The following ADPRHL1 variants were observed in gnomAD, a reference collection of about 807,000 sequenced individuals.
ADPRHL1 encodes the protein inactive ADP-ribosyltransferase ARH2.
A neutral mutation model predicts 44.1 loss-of-function variants in ADPRHL1; 43 were observed. That is an observed-to-expected ratio of 0.98 (90% confidence interval 0.76 to 1.26). The LOEUF is 1.26. Ranked by LOEUF, ADPRHL1 falls within the 50% of genes most tolerant of loss-of-function variation. The pLI is 0.00. For synonymous variants in ADPRHL1, 878 were observed against 1,017.4 expected (o/e 0.86, Z 2.61); for missense variants, 2,022 against 2,496.9 (o/e 0.81, Z 4.05).
intron 7 of ADPRHL1, among the ~76,000 whole-genome samples, chr13:113,412,208 T>C (rs1800465382): frequency 1.3e-5 from 2 of 152,258 alleles, no homozygotes; most frequent in African/African-American, 2.4e-5. Flanking sequence ...GACGGAGTCT[T>C]GCTCTGTCGC....
chr13:113,452,156 C>CG (rs1273496712), intron 1 of ADPRHL1, among the ~76,000 whole-genome samples: 6 of 152,144 alleles, frequency 3.9e-5, no homozygotes, highest in Admixed American at 1.3e-4. Flanking sequence ...TTCTGGGCTG[C>CG]GGGGCACAAG....
chr13:113,429,664 C>T (rs976936893), intron 3 of ADPRHL1, among the ~76,000 whole-genome samples: 5 of 152,364 alleles, frequency 3.3e-5, no homozygotes, highest in African/African-American at 1.2e-4. Flanking sequence ...CGAGCCTGTG[C>T]AGGAAGAAGG....
intron 2 of ADPRHL1, among the ~76,000 whole-genome samples, chr13:113,437,006 T>C (rs7329758): frequency 0.27 from 27,482 of 103,236 alleles, 6,036 homozygotes; most frequent in Middle Eastern, 0.39. Context: ...AGGTGTAGAG[T>C]GAGCATAGGT....
At chr13:113,444,392 G>A (rs1052814854) in intron 2 of ADPRHL1, 33 bp downstream of exon 2, 1 of 1,606,520 alleles carries the variant, frequency 6.2e-7, no homozygotes, top group African/African-American at 1.3e-5. Flanking sequence ...CCAGCAGGGT[G>A]GCTTTAGGGG....
intron 2 of ADPRHL1, among the ~76,000 whole-genome samples, chr13:113,434,242 G>C (rs768432635): frequency 8.5e-5 from 13 of 152,050 alleles, no homozygotes; most frequent in Non-Finnish European, 1.8e-4. Context: ...TTTTTATACT[G>C]GTGTACCGCG....
rs369935996 is a variant in ADPRHL1 at position 113,405,782 on chromosome 13, C to T, written c.3500G>A (p.Arg1167Gln). ...ESHPRGEALP[R>Q]DPHSHGLLAP... ...CAGGAGGCCGTGGCTGTGAGGGTCT[C>T]GAGGGAGAGCCTCTCCTCTGGGGTG... Residue 1167 changes from arginine to glutamine, a missense_variant, in exon 8 of 8, where the codon CGA (arginine) becomes CAA (glutamine). Coordinates refer to ENST00000612156, the MANE Select transcript of ADPRHL1 (RefSeq NM_001394807.1). 15 of 1,231,672 alleles carry T rather than the reference C, an allele frequency of 1.2e-5. No homozygotes were observed. The highest frequency in any genetic ancestry group is 3.2e-5 in the East Asian group (1 of 31,700). 76.3% of individuals were successfully genotyped at this position (1,231,672 alleles called of 1,614,324 possible). A position where few individuals can be genotyped will look rare whatever the true frequency, so the allele number is the denominator to read the frequency against.
intron 7 of ADPRHL1, among the ~76,000 whole-genome samples, chr13:113,411,794 G>A (rs1261483732): frequency 1.3e-5 from 2 of 152,214 alleles, no homozygotes; most frequent in Admixed American, 1.3e-4. Flanking sequence ...TGGCGGGAGC[G>A]AGAGGGGTTT....
In ADPRHL1 at chr13:113,407,558, C is replaced by T. The variant is rs919332020; in HGVS notation, c.1724G>A (p.Arg575Gln). Reference sequence around the variant, plus strand: ...CTTCCTCTGCAGGTTCCTCTTCTTCCGCTCCTGCGTGTGCAGCCTCAGCGC... The same window carrying T: ...CTTCCTCTGCAGGTTCCTCTTCTTCTGCTCCTGCGTGTGCAGCCTCAGCGC... ...ASALRLHTQE[R>Q]KKRNLQRKRM... is the part of the protein sequence containing the mutation. The change falls in exon 8 of 8, where the codon CGG becomes CAG. Residue 575 changes from arginine (R) to glutamine (Q), a missense_variant. By Grantham distance (43) the Arg-to-Gln change is conservative (BLOSUM62 1). Coordinates refer to ENST00000612156, the MANE Select transcript of ADPRHL1 (RefSeq NM_001394807.1). The T allele has an allele frequency of 8.1e-6, 10 of 1,232,254 alleles. No homozygotes were observed. Among genetic ancestry groups the T allele is most frequent in the Non-Finnish European group, 1.0e-5 (10 of 988,108 alleles). The allele number at this position is 1,232,254 out of a possible 1,614,324, so 76.3% of individuals were successfully genotyped here.
In ADPRHL1 at chr13:113,405,658, G is replaced by T; in HGVS notation, c.3624C>A (p.Leu1208=). 1 of 1,232,836 alleles carries T rather than the reference G, an allele frequency of 8.1e-7. No homozygotes were observed. The highest frequency in any genetic ancestry group is 1.0e-6 in the Non-Finnish European group (1 of 988,878). The allele number at this position is 1,232,836 out of a possible 1,614,324, so 76.4% of individuals were successfully genotyped here. ...CCGCAGCATCCTCCGGGTGGCGGGC[G>T]AGGGTCGCAATGTCCTCTGGGTGCT... The part of the protein sequence containing the change: ...LVQHPEDIAT[L]ARHPEDAAAL... Residue 1208 remains leucine (L), a synonymous_variant, in exon 8 of 8, where the codon CTC becomes CTA. Transcript: ENST00000612156.
intron 1 of ADPRHL1, among the ~76,000 whole-genome samples, chr13:113,445,474 C>T (rs2044129930): frequency 6.6e-6 from 1 of 152,248 alleles, no homozygotes; most frequent in Non-Finnish European, 1.5e-5. Flanking sequence ...GGCGAGGGCG[C>T]CCCTCCCAAC....
At chr13:113,424,815 C>T (rs1381723605) in intron 5 of ADPRHL1, among the ~76,000 whole-genome samples, 6 of 81,728 alleles carry the variant, frequency 7.3e-5, no homozygotes, top group African/African-American at 3.0e-4. Context: ...CACCCATGCA[C>T]CCATCCATTC....
At chr13:113,449,315 G>A (rs953218332) in intron 1 of ADPRHL1, 3 of 644,792 alleles carry the variant, frequency 4.7e-6, no homozygotes, top group South Asian at 6.5e-5. Context: ...GTGAGCCCCG[G>A]TCAGAGAGGC....
At chr13:113,423,395 C>T (rs1268309652) in intron 6 of ADPRHL1, among the ~76,000 whole-genome samples, 1 of 152,170 alleles carries the variant, frequency 6.6e-6, no homozygotes, top group Non-Finnish European at 1.5e-5. Context: ...AGAAGGAAGG[C>T]AGAGGGAGGG....
At chr13:113,435,397 C>T in intron 2 of ADPRHL1, among the ~76,000 whole-genome samples, 1 of 138,118 alleles carries the variant, frequency 7.2e-6, no homozygotes, top group African/African-American at 2.9e-5. Context: ...GGACCTGGCA[C>T]CCAGGTGTAG....
intron 1 of ADPRHL1, among the ~76,000 whole-genome samples, chr13:113,445,362 C>T (rs1430997892): frequency 6.6e-6 from 1 of 152,268 alleles, no homozygotes; most frequent in African/African-American, 2.4e-5. Context: ...TTAAGTAACC[C>T]GCAGTGTGTG....
In ADPRHL1 at chr13:113,433,827, G is replaced by A. The variant is rs2044025710; in HGVS notation, c.420C>T (p.Gly140=). Residue 140 remains glycine, a synonymous_variant, in exon 3 of 8, where the codon GGC becomes GGT. Coordinates refer to ENST00000612156, the MANE Select transcript of ADPRHL1 (RefSeq NM_001394807.1). ...FGAATKAMCI[G]LRYWKPERLE... ...GCCGCTCAGGCTTCCAGTACCGCAG[G>A]CCGATGCACATGGCCTTGGTGGCCG... The A allele has an allele frequency of 6.3e-7, 1 of 1,576,786 alleles. No individual in the cohort carries two copies. Among genetic ancestry groups the A allele is most frequent in the African/African-American group, 1.4e-5 (1 of 74,028 alleles).
chr13:113,445,971 A>AGCAC (rs2044133704), intron 1 of ADPRHL1, among the ~76,000 whole-genome samples: 124 of 147,756 alleles, frequency 8.4e-4, no homozygotes, highest in African/African-American at 1.9e-3. Context: ...CCCTGGAGAG[A>AGCAC]GTGCACAGGA....
At position 113,450,521 on chromosome 13, in the gene ADPRHL1, T is replaced by A. The variant is rs993744323; in HGVS notation, c.214+2703A>T. Among the ~76,000 whole-genome samples, 10 of 152,214 alleles carry A rather than the reference T, an allele frequency of 6.6e-5. No homozygotes were observed. In the East Asian group the frequency reaches 1.4e-3, roughly 21 times the overall value. On this transcript the variant is annotated intron_variant, in intron 1 of 7. Coordinates refer to ENST00000612156, the MANE Select transcript of ADPRHL1 (RefSeq NM_001394807.1). ...CACGGAGACCGGTAGTGGCCCCGAA[T>A]GTCTGGCTGCACTGTTATTTATTGG...
Position 113,441,329 on chromosome 13 carries a change from C to T in ADPRHL1, c.379+3096G>A, listed in dbSNP as rs768703174. On this transcript the variant is annotated intron_variant, in intron 2 of 7. Coordinates refer to ENST00000612156, the MANE Select transcript of ADPRHL1 (RefSeq NM_001394807.1). The surrounding 1 kb of genome is among the most constrained non-coding windows in gnomAD (Gnocchi z 6.0). ...ACTGTCTAGTATTTGTCCCTCCTTC[C>T]CCCTTTTCTGCCTTTTTTGGGTTGA... Among the ~76,000 whole-genome samples, 1 of 152,060 alleles carries T rather than the reference C, an allele frequency of 6.6e-6. No individual in the cohort carries two copies. The highest frequency in any genetic ancestry group is 1.5e-5 in the Non-Finnish European group (1 of 68,020).
Sources: allele counts gnomAD v4.1 joint callset (sites outside exome capture counted in the v4.1 genomes callset), GRCh38; gene constraint gnomAD v4.1.1; non-coding constraint Gnocchi (gnomAD v3.1); transcripts MANE v1.5; gene names NCBI Gene and HGNC (gene_info 2026-07-23, HGNC 2026-07-21).